DUSP10: variants seen among roughly 807,000 people sequenced by gnomAD.
The protein encoded by DUSP10 is dual specificity protein phosphatase 10.
Under a neutral mutation model 30.8 loss-of-function variants are expected in DUSP10, and 14 were observed. The observed-to-expected ratio is 0.46, with a 90% CI of 0.30 to 0.71. The LOEUF is 0.71. Among genes scored for constraint, DUSP10 ranks in the 30% least tolerant of loss-of-function variants. The probability of loss-of-function intolerance (pLI) is 0.08; values close to 1 mark genes in which losing one functional copy is unlikely to be tolerated. For synonymous variants in DUSP10, 254 were observed against 250.4 expected (o/e 1.01, Z -0.14); for missense variants, 550 against 619.4 (o/e 0.89, Z 1.19).
chr1:221,733,457 T>A (rs1661675471), intron 2 of DUSP10, among the ~76,000 whole-genome samples: 1 of 152,230 alleles, frequency 6.6e-6, no homozygotes. Context: ...ACAAGCTGGA[T>A]GATTAAGTTA....
At chr1:221,736,786 T>C (rs895471018) in intron 2 of DUSP10, 2 of 983,018 alleles carry the variant, frequency 2.0e-6, no homozygotes, top group Non-Finnish European at 1.2e-6. Flanking sequence ...CTACATATTT[T>C]CAATGAAATT....
chr1:221,702,769 T>A lies in DUSP10; in HGVS notation c.1184-92A>T, dbSNP rs1439075610. 45 of 1,320,424 alleles carry A rather than the reference T, an allele frequency of 3.4e-5. No homozygotes were observed. Among genetic ancestry groups the A allele is most frequent in the Non-Finnish European group, 4.6e-5 (44 of 958,500 alleles). The allele number at this position is 1,320,424 out of a possible 1,614,324, so 81.8% of individuals were successfully genotyped here. ...TTCATCTCAACTTTGCAATGCCTTA[T>A]TTTGTATAGAAATAATGAATTAAAA... is the stretch of plus-strand genomic sequence containing the variant. On this transcript the variant is annotated intron_variant, in intron 3 of 3. Transcript: ENST00000366899. This position sits in a 1 kb window ranked among gnomAD's most constrained non-coding sequence, Gnocchi z 4.5.
intron 2 of DUSP10, among the ~76,000 whole-genome samples, chr1:221,719,716 C>A (rs147966216): frequency 0.011 from 1,611 of 152,264 alleles, 17 homozygotes; most frequent in Non-Finnish European, 0.016. Flanking sequence ...ACCATTTCCC[C>A]TGAAGCCATG....
intron 2 of DUSP10, among the ~76,000 whole-genome samples, chr1:221,724,112 C>T (rs186092888): frequency 1.1e-4 from 16 of 152,328 alleles, no homozygotes; most frequent in South Asian, 2.1e-4. Context: ...CTGAGGACAA[C>T]GGCCAGACAA....
rs972799477 is a variant in DUSP10 at position 221,706,726 on chromosome 1, G to C, written c.812-260C>G. Among the ~76,000 whole-genome samples, 32 of 152,208 alleles carry C rather than the reference G, an allele frequency of 2.1e-4. No homozygotes were observed. Among genetic ancestry groups the C allele is most frequent in the African/African-American group, 7.7e-4 (32 of 41,450 alleles). ...GGAAATGTGCTCTTTCTACAAATGA[G>C]GGCATGTTCCCCTAGCAAGAGTTCC... On this transcript the variant is annotated intron_variant, in intron 2 of 3. Transcript: ENST00000366899. The surrounding 1 kb of genome is among the most constrained non-coding windows in gnomAD (Gnocchi z 4.6).
At chr1:221,715,528 A>C (rs1241568180) in intron 2 of DUSP10, among the ~76,000 whole-genome samples, 1 of 152,226 alleles carries the variant, frequency 6.6e-6, no homozygotes, top group Non-Finnish European at 1.5e-5. Context: ...TAAGGCTTTA[A>C]TGAATAACTA....
chr1:221,739,170 A>G lies in DUSP10; in HGVS notation c.575T>C (p.Val192Ala). 1 of 1,614,156 alleles carries G rather than the reference A, an allele frequency of 6.2e-7. No individual in the cohort carries two copies. The highest frequency in any genetic ancestry group is 8.5e-7 in the Non-Finnish European group (1 of 1,180,020). ...GATCTTATCGGCACAGTTAATGTGG[A>G]CAGCTCCTTGGATGTGACTCTTGTT... Reference protein sequence around the residue: ...EYNKSHIQGAVHINCADKISR... With the variant: ...EYNKSHIQGAAHINCADKISR... The change falls in exon 2 of 4, where the codon GTC becomes GCC. Residue 192 changes from valine to alanine, a missense_variant. Transcript: ENST00000366899.
chr1:221,717,493 C>T (rs562154521), intron 2 of DUSP10, among the ~76,000 whole-genome samples: 240 of 151,834 alleles, frequency 1.6e-3, no homozygotes, highest in Non-Finnish European at 2.8e-3. Context: ...CACTGATTTA[C>T]CAAATGGTGT....
chr1:221,720,910 T>C (rs181529253), intron 2 of DUSP10, among the ~76,000 whole-genome samples: 3 of 152,328 alleles, frequency 2.0e-5, no homozygotes, highest in Admixed American at 2.0e-4. Flanking sequence ...ATTTATTTCT[T>C]CCCTGTTTAT....
At position 221,705,504 on chromosome 1, in the gene DUSP10, C is replaced by A. The variant is rs148339124; in HGVS notation, c.1183+591G>T. ...AGTTGCTTCCTTCTGGGGATCAAAG[C>A]GTGCTGTTGCTAAAACTTCCTCCTT... On this transcript the variant is annotated intron_variant, in intron 3 of 3. Coordinates refer to ENST00000366899, the MANE Select transcript of DUSP10 (RefSeq NM_007207.6). Among the ~76,000 whole-genome samples the A allele has an allele frequency of 8.0e-3, 1,215 of 152,300 alleles. 26 individuals are homozygous for A. The highest frequency in any genetic ancestry group is 7.9e-3 in the Non-Finnish European group (534 of 68,024).
Position 221,739,480 on chromosome 1 carries a change from C to T in DUSP10, c.265G>A (p.Asp89Asn), listed in dbSNP as rs755664400. Reference protein sequence around the residue: ...SCCTVATYDKDNQAQTQAIAA... With the variant: ...SCCTVATYDKNNQAQTQAIAA... ...ATGGCTTGGGTTTGGGCCTGATTGT[C>T]CTTGTCGTAGGTTGCCACAGTGCAG... Residue 89 changes from aspartate to asparagine, a missense_variant, in exon 2 of 4, where the codon GAC (aspartate) becomes AAC (asparagine). By Grantham distance (23) the Asp-to-Asn change is conservative. Transcript: ENST00000366899. 1 of 1,614,138 alleles carries T rather than the reference C, an allele frequency of 6.2e-7. No individual in the cohort carries two copies. Among genetic ancestry groups the T allele is most frequent in the Non-Finnish European group, 8.5e-7 (1 of 1,180,028 alleles).
At chr1:221,733,739 GC>G (rs961821912) in intron 2 of DUSP10, among the ~76,000 whole-genome samples, 9 of 152,206 alleles carry the variant, frequency 5.9e-5, no homozygotes, top group Non-Finnish European at 1.3e-4. Flanking sequence ...CCTCTGAGAG[GC>G]CCCCTGATTT....
chr1:221,727,499 TG>T (rs1438798963), intron 2 of DUSP10, among the ~76,000 whole-genome samples: 2 of 152,258 alleles, frequency 1.3e-5, no homozygotes, highest in African/African-American at 4.8e-5. Flanking sequence ...ATCAAATGCT[TG>T]ATAACATCTC....
intron 2 of DUSP10, among the ~76,000 whole-genome samples, chr1:221,731,708 A>G (rs865971198): frequency 1.9e-4 from 28 of 149,816 alleles, no homozygotes; most frequent in African/African-American, 6.4e-4. Flanking sequence ...TCCCGGGTTC[A>G]AGCAATTCTC....
chr1:221,720,924 T>C (rs1235236348), intron 2 of DUSP10, among the ~76,000 whole-genome samples: 1 of 152,240 alleles, frequency 6.6e-6, no homozygotes, highest in East Asian at 1.9e-4. Context: ...TGTTTATTGT[T>C]CTTATTAAAG....
At chr1:221,740,040 C>T (rs999227546) in intron 1 of DUSP10, among the ~76,000 whole-genome samples, 3 of 152,240 alleles carry the variant, frequency 2.0e-5, no homozygotes, top group South Asian at 2.1e-4. Flanking sequence ...TAATGAACAA[C>T]CTTTCCTGGA....
intron 2 of DUSP10, among the ~76,000 whole-genome samples, chr1:221,717,247 A>G (rs1661132341): frequency 6.6e-6 from 1 of 152,132 alleles, no homozygotes; most frequent in Admixed American, 6.5e-5. Context: ...GAGTGACTCA[A>G]GGGAGCCAAA....
At position 221,720,492 on chromosome 1, in the gene DUSP10, C is replaced by T. The variant is rs12091916; in HGVS notation, c.812-14026G>A. On this transcript the variant is annotated intron_variant, in intron 2 of 3. Transcript: ENST00000366899. ...ATTTCCCTGAGTTCTGCGAACTGTC[C>T]TAGAAAATTAATGGGACTCAGGGAG... is the stretch of plus-strand genomic sequence containing the variant. 6.1e-3 allele frequency among the ~76,000 whole-genome samples: 923 copies of T among 152,220 alleles called. 10 individuals are homozygous for T. Among genetic ancestry groups the T allele is most frequent in the African/African-American group, 0.021 (864 of 41,516 alleles).
rs193032008 is a variant in DUSP10, at chr1:221,735,542, T to C, written c.811+3392A>G. ...CATACTTAAATACATTAAAACATTA[T>C]CTATATTTTTAAATATTTCAACAGA... On this transcript the variant is annotated intron_variant, in intron 2 of 3. Transcript: ENST00000366899. Among the ~76,000 whole-genome samples the C allele has an allele frequency of 1.4e-4, 21 of 152,278 alleles. No individual in the cohort carries two copies. The East Asian group carries it at 4.0e-3, about 29-fold the overall frequency.
Sources: gnomAD v4.1 joint callset for allele counts (sites outside exome capture counted in the v4.1 genomes callset) on GRCh38, gnomAD v4.1.1 for gene constraint, Gnocchi (gnomAD v3.1) non-coding constraint, MANE v1.5 for transcripts, NCBI Gene and HGNC (gene_info 2026-07-23, HGNC 2026-07-21) for gene names.